Variants in ATG3 observed in about 807,000 individuals in gnomAD.
ATG3 encodes ubiquitin-like-conjugating enzyme ATG3.
In ATG3, 25 loss-of-function variants were observed where a neutral mutation model predicts 50.7. The ratio of observed to expected loss-of-function variants is 0.49; its 90% confidence interval spans 0.36 to 0.69. The LOEUF (loss-of-function observed/expected upper bound fraction) is 0.69, where lower values mean the gene tolerates loss of function less well. ATG3 is among the 30% of genes least tolerant of loss of function. The pLI, the probability that ATG3 is intolerant of heterozygous loss-of-function variation, is 0.00. For missense variants in ATG3, 281 were observed against 376.0 expected, an observed-to-expected ratio of 0.75 and a Z score of 2.09; for synonymous variants, 119 against 125.5, an observed-to-expected ratio of 0.95 and a Z score of 0.34.
intron 10 of ATG3, chr3:112,534,574 A>T: frequency 4.2e-6 from 1 of 238,582 alleles, no homozygotes; most frequent in Non-Finnish European, 7.9e-6. Context: ...ACAGATTGTT[A>T]TGCCATGCCA....
At chr3:112,559,724 TAA>T (rs1239685792) in intron 1 of ATG3, among the ~76,000 whole-genome samples, 1 of 152,048 alleles carries the variant, frequency 6.6e-6, no homozygotes, top group Non-Finnish European at 1.5e-5. Context: ...AACAGAATAA[TAA>T]AGAGATCAGG....
chr3:112,560,373 A>G (rs910964574), intron 1 of ATG3, among the ~76,000 whole-genome samples: 2 of 152,242 alleles, frequency 1.3e-5, no homozygotes, highest in African/African-American at 2.4e-5. Flanking sequence ...ATTCTCATTT[A>G]TAATCGCTGG....
intron 6 of ATG3, among the ~76,000 whole-genome samples, chr3:112,542,442 C>T (rs1356681228): frequency 3.9e-5 from 6 of 152,056 alleles, no homozygotes; most frequent in African/African-American, 1.4e-4. Flanking sequence ...GGTTTAACAT[C>T]TGGGTATCGT....
chr3:112,557,860 GAAC>G (rs1229443676), intron 2 of ATG3, among the ~76,000 whole-genome samples: 4 of 151,438 alleles, frequency 2.6e-5, no homozygotes, highest in Non-Finnish European at 4.4e-5. Flanking sequence ...CTCTTATTAA[GAAC>G]AACCTAAGTC....
intron 2 of ATG3, among the ~76,000 whole-genome samples, chr3:112,556,712 A>T (rs1189677741): frequency 6.6e-6 from 1 of 152,066 alleles, no homozygotes; most frequent in Non-Finnish European, 1.5e-5. Flanking sequence ...GATCCTGTTG[A>T]TCTGTGACCT....
At chr3:112,548,139 G>A (rs1933420113) in intron 5 of ATG3, among the ~76,000 whole-genome samples, 1 of 152,172 alleles carries the variant, frequency 6.6e-6, no homozygotes, top group South Asian at 2.1e-4. Context: ...AGATGACGAG[G>A]TCAAGAGATG....
At chr3:112,543,923 T>C in intron 6 of ATG3, 134 bp downstream of exon 6, 1 of 585,586 alleles carries the variant, frequency 1.7e-6, no homozygotes, top group Non-Finnish European at 2.8e-6. Flanking sequence ...ACAGCTGGAA[T>C]TTAAAAGAGC....
chr3:112,542,032 T>C (rs1933245547), intron 6 of ATG3, 148 bp from the exon 7 acceptor site: 1 of 552,358 alleles, frequency 1.8e-6, no homozygotes, highest in Admixed American at 3.3e-5. Flanking sequence ...CCAATGAAGA[T>C]AATGAATTCA....
intron 6 of ATG3, 192 bp downstream of exon 6, chr3:112,543,865 G>A (rs1347198891): frequency 4.7e-6 from 2 of 430,030 alleles, no homozygotes; most frequent in South Asian, 5.9e-5. Context: ...GCATTAGGCA[G>A]CAGTAGTGTT....
At chr3:112,546,824 T>C (rs1277755636) in intron 5 of ATG3, among the ~76,000 whole-genome samples, 1 of 152,220 alleles carries the variant, frequency 6.6e-6, no homozygotes, top group East Asian at 1.9e-4. Context: ...TAAAAGACTT[T>C]CACTACTCAG....
intron 2 of ATG3, chr3:112,558,084 A>G (rs372635008): frequency 5.7e-6 from 2 of 351,352 alleles, no homozygotes; most frequent in Non-Finnish European, 1.0e-5. Context: ...ACAGCTCAAT[A>G]TAACACCAAT....
intron 3 of ATG3, among the ~76,000 whole-genome samples, chr3:112,551,565 A>G (rs958935): frequency 0.067 from 10,212 of 152,242 alleles, 427 homozygotes; most frequent in Admixed American, 0.12. Flanking sequence ...ACCTGCTAAA[A>G]AAAGATCCCG....
intron 5 of ATG3, among the ~76,000 whole-genome samples, chr3:112,548,282 G>A (rs1449609165): frequency 6.6e-6 from 1 of 152,120 alleles, no homozygotes; most frequent in African/African-American, 2.4e-5. Context: ...AACCCGGGAG[G>A]TGGAGGTTGC....
At chr3:112,542,775 T>A (rs1027685637) in intron 6 of ATG3, among the ~76,000 whole-genome samples, 6 of 152,072 alleles carry the variant, frequency 3.9e-5, no homozygotes, top group Non-Finnish European at 8.8e-5. Context: ...TCTGCTTGGA[T>A]GGCAAGTATT....
chr3:112,553,202 TA>T, intron 3 of ATG3, 77 bp downstream of exon 3: 1 of 1,214,030 alleles, frequency 8.2e-7, no homozygotes, highest in South Asian at 1.2e-5. Context: ...TTTCATCCAT[TA>T]ACCTATTTTG....
At chr3:112,556,493 C>A (rs7372758) in intron 2 of ATG3, among the ~76,000 whole-genome samples, 3 of 152,024 alleles carry the variant, frequency 2.0e-5, no homozygotes, top group South Asian at 2.1e-4. Flanking sequence ...TGAGGAGCCC[C>A]TCTGCCCGGC....
intron 10 of ATG3, chr3:112,535,390 T>G (rs1438277580): frequency 6.6e-6 from 1 of 152,176 alleles, no homozygotes; most frequent in Non-Finnish European, 1.5e-5. Context: ...TCTATTTTAT[T>G]AAAATGTTTA....
In ATG3 at chr3:112,532,787, GT is replaced by G; in HGVS notation, c.864-8del. The G allele has an allele frequency of 6.4e-7, 1 of 1,572,126 alleles. No homozygotes were observed. The highest frequency in any genetic ancestry group is 8.6e-7 in the Non-Finnish European group (1 of 1,160,180). On this transcript the variant is annotated splice_polypyrimidine_tract_variant and splice_region_variant and intron_variant, in intron 11 of 11. Transcript: ENST00000283290. ...CAAGAAAATAAGAAGATACCTAAAG[GT>G]TTTTAGCTAAGGAAAATAAGATTTG...
chr3:112,556,060 T>C (rs1396404916), intron 2 of ATG3, among the ~76,000 whole-genome samples: 1 of 146,874 alleles, frequency 6.8e-6, no homozygotes, highest in Non-Finnish European at 1.5e-5. Context: ...TAAAGAGCCA[T>C]GTTCAAATTA....
Sources: allele counts gnomAD v4.1 joint callset (sites outside exome capture counted in the v4.1 genomes callset), GRCh38; gene constraint gnomAD v4.1.1; transcripts MANE v1.5; gene names NCBI Gene and HGNC (gene_info 2026-07-23, HGNC 2026-07-21).